MAN2B2: variants seen among roughly 807,000 people sequenced by gnomAD.
MAN2B2 encodes the protein mannosidase alpha class 2B member 2.
MAN2B2 carries 106 observed loss-of-function variants against 117.1 expected under a neutral mutation model. The observed-to-expected ratio is 0.90, with a 90% CI of 0.77 to 1.06. MAN2B2 has a LOEUF of 1.06. Among genes scored for constraint, MAN2B2 ranks in the 50% least tolerant of loss-of-function variants. The pLI is 0.00. For missense variants in MAN2B2, 1,326 were observed against 1,381.4 expected (o/e 0.96, Z 0.64); for synonymous variants, 544 against 595.1 (o/e 0.91, Z 1.25).
At chr4:6,612,218 G>A (rs1711604000) in intron 15 of MAN2B2, among the ~76,000 whole-genome samples, 1 of 152,232 alleles carries the variant, frequency 6.6e-6, no homozygotes, top group South Asian at 2.1e-4. Context: ...GTGTGCCTGT[G>A]CCATACACTG....
At chr4:6,599,165 A>T (rs77789765) in intron 9 of MAN2B2, among the ~76,000 whole-genome samples, 7,367 of 152,224 alleles carry the variant, frequency 0.048, 626 homozygotes, top group African/African-American at 0.17. Context: ...GGTGCCAGTC[A>T]TAGGTCACTG....
At chr4:6,617,612 G>A (rs1711949936) in intron 17 of MAN2B2, 120 bp downstream of exon 17, 2 of 1,538,488 alleles carry the variant, frequency 1.3e-6, no homozygotes, top group East Asian at 2.4e-5. Flanking sequence ...ACGCTGGTAT[G>A]GGCCCCACCC....
chr4:6,578,536 AC>A, intron 3 of MAN2B2, 38 bp downstream of exon 3: 1 of 1,556,628 alleles, frequency 6.4e-7, no homozygotes, highest in Middle Eastern at 1.7e-4. Context: ...GTCCCTCAGG[AC>A]CTCCAGTGGG....
chr4:6,596,169 C>T (rs374856021), intron 7 of MAN2B2, among the ~76,000 whole-genome samples: 2 of 126,882 alleles, frequency 1.6e-5, no homozygotes, highest in African/African-American at 2.8e-5. Flanking sequence ...GGTATCCAGG[C>T]GGGTGTGGGT....
chr4:6,617,089 T>G (rs1458022749), intron 16 of MAN2B2, among the ~76,000 whole-genome samples: 3 of 152,190 alleles, frequency 2.0e-5, no homozygotes, highest in African/African-American at 7.2e-5. Context: ...GCAGGGGAAC[T>G]GCCCTTTACA....
intron 11 of MAN2B2, among the ~76,000 whole-genome samples, chr4:6,607,282 C>T: frequency 6.6e-6 from 1 of 152,164 alleles, no homozygotes; most frequent in East Asian, 1.9e-4. Context: ...TGGCTCACTG[C>T]AGCCTCAACC....
chr4:6,594,664 G>C lies in MAN2B2; in HGVS notation c.989G>C (p.Arg330Pro), dbSNP rs760167740. The change falls in exon 7 of 19, where the codon CGT (arginine) becomes CCT (proline). Residue 330 changes from arginine (R) to proline (P), a missense_variant. Physicochemically the swap from Arg to Pro is moderately radical, Grantham distance 103 (BLOSUM62 -2). Transcript: ENST00000285599. Reference protein sequence around the residue: ...VQYATLGDYFRALHALNVTWR... With the variant: ...VQYATLGDYFPALHALNVTWR... ...TATGCCACGCTGGGCGACTACTTCC[G>C]TGCCCTGCACGCTCTCAATGTCACC... 11 of 1,613,400 alleles carry C rather than the reference G, an allele frequency of 6.8e-6. No individual in the cohort carries two copies. The South Asian group carries it at 1.1e-4, about 16-fold the overall frequency.
intron 10 of MAN2B2, among the ~76,000 whole-genome samples, chr4:6,604,330 T>C (rs1372887423): frequency 6.6e-6 from 1 of 151,628 alleles, no homozygotes; most frequent in Non-Finnish European, 1.5e-5. Flanking sequence ...GGGACAGCAG[T>C]GCAGATGCTG....
In MAN2B2 at chr4:6,610,918, T is replaced by C; in HGVS notation, c.2298T>C (p.Asp766=). The change falls in exon 14 of 19, where the codon GAT becomes GAC. Residue 766 remains aspartate (D), a synonymous_variant. Coordinates refer to ENST00000285599, the MANE Select transcript of MAN2B2 (RefSeq NM_015274.3). ...YPMVQSAFME[D]GKSRLVLLSE... ...TGGTTCAGTCGGCCTTCATGGAGGA[T>C]GGCAAAAGCAGGCTTGTGTTGCTGT... 6.2e-7 allele frequency: 1 copy of C among 1,614,204 alleles called. No individual in the cohort carries two copies. Among genetic ancestry groups the C allele is most frequent in the Non-Finnish European group, 8.5e-7 (1 of 1,180,022 alleles).
At position 6,622,170 on chromosome 4, in the gene MAN2B2, T is replaced by C. The variant is rs1392780444; in HGVS notation, c.*885T>C. The C allele has an allele frequency of 1.3e-5, 2 of 152,194 alleles. No homozygotes were observed. The highest frequency in any genetic ancestry group is 2.4e-5 in the African/African-American group (1 of 41,448). 9.4% of individuals were successfully genotyped at this position (152,194 alleles called of 1,614,324 possible). A position where few individuals can be genotyped will look rare whatever the true frequency, so the allele number is the denominator to read the frequency against. ...ACAGCCTGAGTGAATCCTACAAATA[T>C]TACGCTAAGTGAAAGAAGCCAATCA... On this transcript the variant is annotated 3_prime_UTR_variant, in exon 19 of 19. Coordinates refer to ENST00000285599, the MANE Select transcript of MAN2B2 (RefSeq NM_015274.3).
rs754128908 is a variant in MAN2B2, at chr4:6,597,140, A to G, written c.1085A>G (p.Tyr362Cys). 4 of 1,613,212 alleles carry G rather than the reference A, an allele frequency of 2.5e-6. No individual in the cohort carries two copies. The highest frequency in any genetic ancestry group is 1.3e-5 in the African/African-American group (1 of 74,924). Residue 362 changes from tyrosine to cysteine, a missense_variant, in exon 8 of 19, where the codon TAC (tyrosine) becomes TGC (cysteine). Coordinates refer to ENST00000285599, the MANE Select transcript of MAN2B2 (RefSeq NM_015274.3). Reference sequence around the variant, plus strand: ...CCATTCCAGGCCTGGACGGGCTTCTACACGTCCCGCAGCTCACTGAAGGGG... The same window carrying G: ...CCATTCCAGGCCTGGACGGGCTTCTGCACGTCCCGCAGCTCACTGAAGGGG... ...TEPFQAWTGF[Y>C]TSRSSLKGLA...
intron 10 of MAN2B2, among the ~76,000 whole-genome samples, chr4:6,604,190 G>A (rs1014448159): frequency 3.9e-5 from 6 of 152,210 alleles, no homozygotes; most frequent in Non-Finnish European, 7.3e-5. Context: ...AGAGGACAGA[G>A]TAAGGTCACC....
intron 15 of MAN2B2, among the ~76,000 whole-genome samples, chr4:6,613,260 CAG>C (rs1031616639): frequency 1.1e-4 from 17 of 152,148 alleles, no homozygotes; most frequent in South Asian, 2.1e-4. Context: ...GATGACAAAA[CAG>C]GGGTGGAACT....
intron 13 of MAN2B2, 22 bp from the exon 14 acceptor site, chr4:6,610,858 C>T: frequency 6.2e-7 from 1 of 1,608,908 alleles, no homozygotes; most frequent in East Asian, 2.2e-5. Flanking sequence ...AATCGCCCAC[C>T]TGGCGATGTT....
At chr4:6,599,620 A>ATG (rs1727246744) in intron 9 of MAN2B2, among the ~76,000 whole-genome samples, 1 of 146,776 alleles carries the variant, frequency 6.8e-6, no homozygotes, top group Non-Finnish European at 1.5e-5. Flanking sequence ...CCGAGATCGC[A>ATG]CCACTGCACT....
chr4:6,588,472 G>C (rs1037555976), intron 4 of MAN2B2, among the ~76,000 whole-genome samples: 1 of 152,198 alleles, frequency 6.6e-6, no homozygotes, highest in Non-Finnish European at 1.5e-5. Context: ...TGTAATCCCA[G>C]CCCTTTGGGA....
intron 15 of MAN2B2, among the ~76,000 whole-genome samples, chr4:6,613,890 G>A (rs56258425): frequency 0.17 from 26,313 of 152,008 alleles, 2,415 homozygotes; most frequent in Admixed American, 0.25. Context: ...AGAGAGAGAG[G>A]AGAGGGCTGT....
Position 6,609,781 on chromosome 4 carries a change from G to A in MAN2B2, c.2007-17G>A, listed in dbSNP as rs1727693200. 1 of 1,424,498 alleles carries A rather than the reference G, an allele frequency of 7.0e-7. No homozygotes were observed. The highest frequency in any genetic ancestry group is 1.4e-5 in the African/African-American group (1 of 69,066). The allele number at this position is 1,424,498 out of a possible 1,614,324, so 88.2% of individuals were successfully genotyped here. ...GGTTCCTGGAGCTTCACTTACTGAT[G>A]CTCCCTTCTCCTCCAGGAACATGAC... On this transcript the variant is annotated splice_polypyrimidine_tract_variant and intron_variant, in intron 12 of 18. Coordinates refer to ENST00000285599, the MANE Select transcript of MAN2B2 (RefSeq NM_015274.3).
At chr4:6,601,829 C>T (rs1320764970) in intron 10 of MAN2B2, among the ~76,000 whole-genome samples, 2 of 152,226 alleles carry the variant, frequency 1.3e-5, no homozygotes, top group Non-Finnish European at 2.9e-5. Flanking sequence ...CCTGAGGTCA[C>T]ACAGCTGCGA....
Sources: gnomAD v4.1 joint callset for allele counts (sites outside exome capture counted in the v4.1 genomes callset) on GRCh38, gnomAD v4.1.1 for gene constraint, MANE v1.5 for transcripts, NCBI Gene and HGNC (gene_info 2026-07-23, HGNC 2026-07-21) for gene names.